Variants in CSMD1 observed in about 807,000 individuals in gnomAD.
CSMD1 encodes the protein CUB and Sushi multiple domains 1.
CSMD1 carries 213 observed loss-of-function variants against 417.5 expected under a neutral mutation model. The observed-to-expected ratio is 0.51, with a 90% CI of 0.46 to 0.57. CSMD1 has a LOEUF of 0.57. CSMD1 is among the 20% of genes least tolerant of loss of function. The pLI is 0.00. For missense variants in CSMD1, 6,923 were observed against 4,529.7 expected, an observed-to-expected ratio of 1.53 and a Z score of -15.17; for synonymous variants, 2,862 against 1,736.8, an observed-to-expected ratio of 1.65 and a Z score of -16.11.
At chr8:4,913,244 A>T (rs1280242638) in intron 1 of CSMD1, among the ~76,000 whole-genome samples, 1 of 152,172 alleles carries the variant, frequency 6.6e-6, no homozygotes, top group African/African-American at 2.4e-5. Context: ...GTCACGCAAC[A>T]CAAGTTGTTT....
chr8:3,237,634 CTTATACTATAATTTTTTAAA>C (rs1799231845), intron 26 of CSMD1, among the ~76,000 whole-genome samples: 2 of 136,146 alleles, frequency 1.5e-5, no homozygotes, highest in African/African-American at 2.6e-5. Context: ...ATTTTTTATA[CTTATACTATAATTTTTTAAA>C]TTATACTATA....
At chr8:3,983,842 G>T (rs911130233) in intron 5 of CSMD1, among the ~76,000 whole-genome samples, 1 of 152,084 alleles carries the variant, frequency 6.6e-6, no homozygotes, top group Non-Finnish European at 1.5e-5. Context: ...GATCTGGCCG[G>T]CTGTCAATTG....
At position 4,084,077 on chromosome 8, in the gene CSMD1, A is replaced by T. The variant is rs915274304; in HGVS notation, c.416-51978T>A. Among the ~76,000 whole-genome samples the T allele has an allele frequency of 2.0e-5, 3 of 152,334 alleles. No individual in the cohort carries two copies. The Middle Eastern group carries it at 0.01, about 518-fold the overall frequency. On this transcript the variant is annotated intron_variant, in intron 3 of 69. Transcript: ENST00000635120. ...TAGATCAAATGCATCAATACATGAA[A>T]ATGGCTAGTAATATTTGTCTTCGGA... is the stretch of plus-strand genomic sequence containing the variant.
At chr8:3,267,906 G>C (rs1448209461) in intron 26 of CSMD1, among the ~76,000 whole-genome samples, 1 of 152,148 alleles carries the variant, frequency 6.6e-6, no homozygotes, top group African/African-American at 2.4e-5. Flanking sequence ...TGGGGTGGGA[G>C]ATCAAAGGGC....
chr8:3,563,606 C>T (rs1422625708), intron 10 of CSMD1, among the ~76,000 whole-genome samples: 1 of 152,026 alleles, frequency 6.6e-6, no homozygotes, highest in African/African-American at 2.4e-5. Context: ...CATTTTTTAA[C>T]CTGGCCTGGC....
intron 4 of CSMD1, among the ~76,000 whole-genome samples, chr8:4,018,928 A>G (rs751768299): frequency 2.0e-5 from 3 of 152,174 alleles, no homozygotes; most frequent in Non-Finnish European, 2.9e-5. Flanking sequence ...TAATAACAAG[A>G]ACATACGTAA....
intron 37 of CSMD1, among the ~76,000 whole-genome samples, chr8:3,175,528 C>T (rs375584772): frequency 3.3e-5 from 4 of 120,544 alleles, no homozygotes; most frequent in Non-Finnish European, 7.0e-5. Context: ...TTCCTTCCTT[C>T]CTTCCTTCTT....
intron 25 of CSMD1, among the ~76,000 whole-genome samples, chr8:3,307,266 G>T (rs756249206): frequency 6.6e-6 from 1 of 152,010 alleles, no homozygotes; most frequent in Non-Finnish European, 1.5e-5. Flanking sequence ...CTAGCCTGCT[G>T]CAGGAACAGA....
chr8:4,745,594 TAAAG>T (rs1265119546), intron 1 of CSMD1, among the ~76,000 whole-genome samples: 1 of 151,778 alleles, frequency 6.6e-6, no homozygotes, highest in African/African-American at 2.4e-5. Context: ...ATGCTAGAAA[TAAAG>T]AGAGAGAGAG....
chr8:4,271,703 C>G (rs1446070747), intron 3 of CSMD1, among the ~76,000 whole-genome samples: 1 of 152,070 alleles, frequency 6.6e-6, no homozygotes, highest in African/African-American at 2.4e-5. Flanking sequence ...TATATTAATC[C>G]TAACTCACTA....
At chr8:4,743,488 C>A (rs1432555073) in intron 1 of CSMD1, among the ~76,000 whole-genome samples, 1 of 152,084 alleles carries the variant, frequency 6.6e-6, no homozygotes, top group Non-Finnish European at 1.5e-5. Flanking sequence ...AACACCGGAG[C>A]GTCAAGTACC....
At position 3,952,822 on chromosome 8, in the gene CSMD1, A is replaced by C. The variant is rs1327262329; in HGVS notation, c.818+45081T>G. 3.3e-5 allele frequency among the ~76,000 whole-genome samples: 5 copies of C among 152,360 alleles called. No individual in the cohort carries two copies. In the East Asian group the frequency reaches 7.7e-4, roughly 24 times the overall value. On this transcript the variant is annotated intron_variant, in intron 5 of 69. Coordinates refer to ENST00000635120, the MANE Select transcript of CSMD1 (RefSeq NM_033225.6). ...AGCAATACTCTCATTAATCAAAGAA[A>C]TAAAAGCAGAAAGTTATTTTGAATG...
chr8:3,557,679 T>C (rs116452164), intron 10 of CSMD1, among the ~76,000 whole-genome samples: 3 of 152,248 alleles, frequency 2.0e-5, no homozygotes, highest in African/African-American at 4.8e-5. Flanking sequence ...GAGATAATCA[T>C]TTTACAATTC....
chr8:3,260,869 A>T (rs942183054), intron 26 of CSMD1, among the ~76,000 whole-genome samples: 3 of 152,230 alleles, frequency 2.0e-5, no homozygotes, highest in African/African-American at 7.2e-5. Flanking sequence ...CAAGCTACAG[A>T]CTGGGAGAAA....
chr8:4,322,417 T>A lies in CSMD1; in HGVS notation c.415+97536A>T, dbSNP rs73174241. ...GCATCTCACCTATTAGCAAGGTGAC[T>A]ACATATGGCAGAATATTCTATCATA... On this transcript the variant is annotated intron_variant, in intron 3 of 69. Transcript: ENST00000635120. 2.4e-3 allele frequency among the ~76,000 whole-genome samples: 373 copies of A among 152,258 alleles called. 3 individuals carry two copies. Among genetic ancestry groups the A allele is most frequent in the South Asian group, 0.019 (94 of 4,828 alleles).
intron 2 of CSMD1, among the ~76,000 whole-genome samples, chr8:4,635,593 A>C (rs1802771870): frequency 6.6e-6 from 1 of 152,148 alleles, no homozygotes; most frequent in Non-Finnish European, 1.5e-5. Context: ...TCATAATTTT[A>C]ACGTAGAGTC....
chr8:4,728,175 T>C (rs974692881), intron 1 of CSMD1, among the ~76,000 whole-genome samples: 3 of 147,622 alleles, frequency 2.0e-5, no homozygotes, highest in African/African-American at 4.9e-5. Flanking sequence ...TATATATTTA[T>C]TTGGCATTTA....
chr8:4,491,437 C>A (rs968794133), intron 2 of CSMD1, among the ~76,000 whole-genome samples: 1 of 152,036 alleles, frequency 6.6e-6, no homozygotes, highest in African/African-American at 2.4e-5. Flanking sequence ...ATAAGGTCAG[C>A]AAAACTGCCT....
chr8:3,796,262 GATATAGATAT>G (rs1585012826), intron 5 of CSMD1, among the ~76,000 whole-genome samples: 5,337 of 56,178 alleles, frequency 0.095, 1,700 homozygotes, highest in Middle Eastern at 0.14. Context: ...ATCATGTATA[GATATAGATAT>G]ATATCTATCA....
Sources: gnomAD v4.1 joint callset for allele counts (sites outside exome capture counted in the v4.1 genomes callset) on GRCh38, gnomAD v4.1.1 for gene constraint, MANE v1.5 for transcripts, NCBI Gene and HGNC (gene_info 2026-07-23, HGNC 2026-07-21) for gene names.